The following TRAF4 variants were observed in gnomAD, a reference collection of about 807,000 sequenced individuals.
TRAF4 encodes TNF receptor-associated factor 4.
A neutral mutation model predicts 47.3 loss-of-function variants in TRAF4; 9 were observed. The ratio of observed to expected loss-of-function variants is 0.19; its 90% CI spans 0.11 to 0.33. TRAF4 has a LOEUF of 0.33. Among genes scored for constraint, TRAF4 ranks in the 10% least tolerant of loss-of-function variants. The pLI is 1.00. For synonymous variants in TRAF4, 236 were observed against 236.9 expected, an observed-to-expected ratio of 1.00 and a Z score of 0.04; for missense variants, 448 against 620.3, an observed-to-expected ratio of 0.72 and a Z score of 2.95.
At chr17:28,747,353 T>C in intron 2 of TRAF4, 89 bp downstream of exon 2, 3 of 1,499,870 alleles carry the variant, frequency 2.0e-6, no homozygotes, top group Non-Finnish European at 1.8e-6. Flanking sequence ...TCAGGGCCAG[T>C]GTCAACCAAA....
At chr17:28,745,675 G>T (rs118031703) in intron 1 of TRAF4, 7,976 of 153,350 alleles carry the variant, frequency 0.052, 293 homozygotes, top group Middle Eastern at 0.1. Flanking sequence ...AGCAGCCTCT[G>T]CCCTGCCTGT....
rs2034572503 is a variant in TRAF4, at chr17:28,749,685, G to A, written c.*108G>A. The stretch of plus-strand genomic sequence containing the variant: ...CCCGTCAGCTGCTTCTGCTGCCTAG[G>A]TTCTGTTACCCCATCCTCCCTCCCC... On this transcript the variant is annotated 3_prime_UTR_variant, in exon 7 of 7. Transcript: ENST00000262395. 1 of 1,545,176 alleles carries A rather than the reference G, an allele frequency of 6.5e-7. No homozygotes were observed. The highest frequency in any genetic ancestry group is 8.8e-7 in the Non-Finnish European group (1 of 1,142,774).
chr17:28,744,011 A>C lies in TRAF4; in HGVS notation c.-102A>C. 1.0e-6 allele frequency: 1 copy of C among 1,003,500 alleles called. No homozygotes were observed. Among genetic ancestry groups the C allele is most frequent in the Non-Finnish European group, 1.2e-6 (1 of 843,570 alleles). 62.2% of individuals were successfully genotyped at this position (1,003,500 alleles called of 1,614,324 possible). A position where few individuals can be genotyped will look rare whatever the true frequency, so the allele number is the denominator to read the frequency against. Reference sequence around the variant, plus strand: ...CAGCCGAGCCCTGGCCGCGACCGCCAGTCGGCGCCGCCCGGAGCCGGGAGC... The same window carrying C: ...CAGCCGAGCCCTGGCCGCGACCGCCCGTCGGCGCCGCCCGGAGCCGGGAGC... On this transcript the variant is annotated 5_prime_UTR_variant, in exon 1 of 7. Coordinates refer to ENST00000262395, the MANE Select transcript of TRAF4 (RefSeq NM_004295.4).
At position 28,750,932 on chromosome 17, in the gene TRAF4, T is replaced by TAAAG. The variant is rs1236504908; in HGVS notation, c.*1357_*1360dup. 1.3e-5 allele frequency: 2 copies of TAAAG among 152,168 alleles called. No individual in the cohort carries two copies. The highest frequency in any genetic ancestry group is 2.9e-5 in the Non-Finnish European group (2 of 68,022). 9.4% of individuals were successfully genotyped at this position (152,168 alleles called of 1,614,324 possible). Reference sequence around the variant, plus strand: ...TGCGGCTCACCTCCCAGATTTGTTGTAAAGATTAAATGAACTGGTCAGCAC... The same window carrying TAAAG: ...TGCGGCTCACCTCCCAGATTTGTTGTAAAGAAAGATTAAATGAACTGGTCAGCAC... On this transcript the variant is annotated 3_prime_UTR_variant, in exon 7 of 7. Coordinates refer to ENST00000262395, the MANE Select transcript of TRAF4 (RefSeq NM_004295.4).
chr17:28,745,175 AG>A (rs1402915218), intron 1 of TRAF4: 1 of 152,456 alleles, frequency 6.6e-6, no homozygotes, highest in Non-Finnish European at 1.5e-5. Context: ...TGGCAGGGAT[AG>A]TACCTCTGAG....
rs1443599228 is a variant in TRAF4 at position 28,744,030 on chromosome 17, C to T, written c.-83C>T. The T allele has an allele frequency of 1.3e-5, 14 of 1,041,108 alleles. 1 individual carries two copies. The African/African-American group carries it at 1.7e-4, about 13-fold the overall frequency. The allele number at this position is 1,041,108 out of a possible 1,614,324, so 64.5% of individuals were successfully genotyped here. On this transcript the variant is annotated 5_prime_UTR_variant, in exon 1 of 7. Coordinates refer to ENST00000262395, the MANE Select transcript of TRAF4 (RefSeq NM_004295.4). ...ACCGCCAGTCGGCGCCGCCCGGAGC[C>T]GGGAGCGCCGCTCCAGCGAGGCGCG...
chr17:28,747,100 G>T, intron 1 of TRAF4, 113 bp from the exon 2 acceptor site: 5 of 1,219,162 alleles, frequency 4.1e-6, no homozygotes, highest in Non-Finnish European at 4.6e-6. Context: ...TCTCATCTAG[G>T]CTGGTTGGGA....
chr17:28,747,209 T>A lies in TRAF4; in HGVS notation c.144-4T>A. On this transcript the variant is annotated splice_polypyrimidine_tract_variant and splice_region_variant and intron_variant, in intron 1 of 6. Coordinates refer to ENST00000262395, the MANE Select transcript of TRAF4 (RefSeq NM_004295.4). The stretch of plus-strand genomic sequence containing the variant: ...ACCTTTTTCCTGCCCCTCCCCCATT[T>A]CAGTGAAGGAGTCTTCAAGTGCCCT... 6.2e-7 allele frequency: 1 copy of A among 1,613,480 alleles called. No homozygotes were observed. The highest frequency in any genetic ancestry group is 8.5e-7 in the Non-Finnish European group (1 of 1,179,718).
Position 28,748,992 on chromosome 17 carries a change from A to G in TRAF4, c.828A>G (p.Pro276=). Residue 276 remains proline, a synonymous_variant, in exon 7 of 7, where the codon CCA becomes CCG. Coordinates refer to ENST00000262395, the MANE Select transcript of TRAF4 (RefSeq NM_004295.4). ...MARHVEESVK[P]HLAMMCALVS... ...GGCATGTGGAGGAGAGTGTGAAGCCACATCTGGCCATGATGTGTGCCCTGG... is the reference window on the plus strand; with the variant it reads ...GGCATGTGGAGGAGAGTGTGAAGCCGCATCTGGCCATGATGTGTGCCCTGG... 6.2e-7 allele frequency: 1 copy of G among 1,613,512 alleles called. No homozygotes were observed. The highest frequency in any genetic ancestry group is 1.1e-5 in the South Asian group (1 of 91,082).
intron 1 of TRAF4, 91 bp downstream of exon 1, chr17:28,744,346 TTGTC>T (rs1362814787): frequency 5.6e-6 from 8 of 1,418,846 alleles, no homozygotes; most frequent in Admixed American, 4.7e-5. Context: ...AGGCGGGCCT[TTGTC>T]TGCGCTGCGA....
Position 28,748,126 on chromosome 17 carries a change from G to C in TRAF4, c.410G>C (p.Arg137Pro), listed in dbSNP as rs755915336. ...PAHLQHDCPK[R>P]RLKCEFCGCD... ...CACTTGCAGCATGACTGCCCCAAGCGGCGCCTCAAGTGCGAGTTTTGTGGC... is the reference window on the plus strand; with the variant it reads ...CACTTGCAGCATGACTGCCCCAAGCCGCGCCTCAAGTGCGAGTTTTGTGGC... Residue 137 changes from arginine to proline, a missense_variant, in exon 4 of 7, where the codon CGG becomes CCG. Transcript: ENST00000262395. 6.2e-7 allele frequency: 1 copy of C among 1,614,028 alleles called. No homozygotes were observed. The highest frequency in any genetic ancestry group is 8.5e-7 in the Non-Finnish European group (1 of 1,180,042).
At chr17:28,748,485 C>T in intron 5 of TRAF4, 26 bp from the exon 6 acceptor site, 2 of 1,610,568 alleles carry the variant, frequency 1.2e-6, no homozygotes, top group South Asian at 1.1e-5. Flanking sequence ...ATATTGACTC[C>T]TGCCTCTCTA....
rs748818666 is a variant in TRAF4 at position 28,748,980 on chromosome 17, G to C, written c.816G>C (p.Glu272Asp). 269 of 1,613,134 alleles carry C rather than the reference G, an allele frequency of 1.7e-4. No individual in the cohort carries two copies. The highest frequency in any genetic ancestry group is 2.2e-4 in the Non-Finnish European group (262 of 1,179,912). Residue 272 changes from glutamate to aspartate, a missense_variant, in exon 7 of 7, where the codon GAG becomes GAC. Coordinates refer to ENST00000262395, the MANE Select transcript of TRAF4 (RefSeq NM_004295.4). The part of the protein sequence containing the change: ...PKLAMARHVE[E>D]SVKPHLAMMC... ...TGGCAATGGCACGGCATGTGGAGGA[G>C]AGTGTGAAGCCACATCTGGCCATGA...
intron 1 of TRAF4, chr17:28,746,995 T>C: frequency 2.3e-6 from 1 of 441,120 alleles, no homozygotes; most frequent in Non-Finnish European, 4.0e-6. Context: ...TGTCTGTGCC[T>C]CCTCTAGGCC....
chr17:28,746,933 G>C, intron 1 of TRAF4: 1 of 369,170 alleles, frequency 2.7e-6, no homozygotes. Context: ...CTGCCATCCT[G>C]GGGGAGGGGG....
intron 6 of TRAF4, 26 bp from the exon 7 acceptor site, chr17:28,748,919 C>T: frequency 6.3e-7 from 1 of 1,591,190 alleles, no homozygotes; most frequent in Non-Finnish European, 8.6e-7. Context: ...CCTCCCTTCC[C>T]CCATGGCCTG....
intron 1 of TRAF4, chr17:28,744,983 A>G (rs2151736446): frequency 6.6e-6 from 1 of 152,450 alleles, no homozygotes; most frequent in East Asian, 1.9e-4. Context: ...TTGGGCATCC[A>G]TCAAGTTTCT....
chr17:28,748,377 A>G lies in TRAF4; in HGVS notation c.578A>G (p.Gln193Arg). 6.2e-7 allele frequency: 1 copy of G among 1,613,018 alleles called. No homozygotes were observed. Among genetic ancestry groups the G allele is most frequent in the Non-Finnish European group, 8.5e-7 (1 of 1,179,348 alleles). ...ACCTCTGAGTGCCCCAAGCGCACTC[A>G]GCCCTGCACCTACTGCACTAAGGAG... ...HATSECPKRT[Q>R]PCTYCTKEFV... is the part of the protein sequence containing the mutation. Residue 193 changes from glutamine to arginine, a missense_variant, in exon 5 of 7, where the codon CAG (glutamine) becomes CGG (arginine). Coordinates refer to ENST00000262395, the MANE Select transcript of TRAF4 (RefSeq NM_004295.4).
Position 28,750,203 on chromosome 17 carries a change from A to T in TRAF4, c.*626A>T, listed in dbSNP as rs1046473644. The T allele has an allele frequency of 2.7e-6, 1 of 368,546 alleles. No homozygotes were observed. Among genetic ancestry groups the T allele is most frequent in the African/African-American group, 2.1e-5 (1 of 47,630 alleles). The allele number at this position is 368,546 out of a possible 1,614,324, so 22.8% of individuals were successfully genotyped here. A position where few individuals can be genotyped will look rare whatever the true frequency, so the allele number is the denominator to read the frequency against. On this transcript the variant is annotated 3_prime_UTR_variant, in exon 7 of 7. Transcript: ENST00000262395. ...TGGGTCTGGCCCCAGGATCCAGCTT[A>T]CCTGCTGGCTCGCCCTCTGATGGAC...
Sources: allele counts gnomAD v4.1 joint callset, GRCh38; gene constraint gnomAD v4.1.1; transcripts MANE v1.5; gene names NCBI Gene and HGNC (gene_info 2026-07-23, HGNC 2026-07-21).